The following TPST1 variants were observed in gnomAD, a reference collection of about 807,000 sequenced individuals.
The protein encoded by TPST1 is protein-tyrosine sulfotransferase 1.
Under a neutral mutation model 34.8 loss-of-function variants are expected in TPST1, and 20 were observed. The observed-to-expected ratio is 0.57, with a 90% confidence interval of 0.40 to 0.84. The LOEUF (loss-of-function observed/expected upper bound fraction) is 0.84, where lower values mean the gene tolerates loss of function less well. Among genes scored for constraint, TPST1 ranks in the 40% least tolerant of loss-of-function variants. The probability of loss-of-function intolerance (pLI) is 0.00; values close to 1 mark genes in which losing one functional copy is unlikely to be tolerated. For synonymous variants in TPST1, 152 were observed against 159.4 expected, an observed-to-expected ratio of 0.95 and a Z score of 0.35; for missense variants, 353 against 455.5, an observed-to-expected ratio of 0.78 and a Z score of 2.05.
chr7:66,335,647 C>T (rs971118221), intron 3 of TPST1, among the ~76,000 whole-genome samples: 10 of 151,914 alleles, frequency 6.6e-5, no homozygotes, highest in African/African-American at 1.4e-4. Flanking sequence ...GTGTTTTGAA[C>T]GGCAGGGCAA....
intron 4 of TPST1, among the ~76,000 whole-genome samples, chr7:66,353,197 C>T (rs1446048912): frequency 6.6e-6 from 1 of 152,164 alleles, no homozygotes; most frequent in Admixed American, 6.5e-5. Flanking sequence ...TGCCTGTAAT[C>T]CCAGCTACTT....
upstream of TPST1, among the ~76,000 whole-genome samples, chr7:66,203,629 G>A (rs1789061078): frequency 1.3e-5 from 2 of 151,936 alleles, no homozygotes. Context: ...GGGACTACAG[G>A]CGCCAGCCAC....
chr7:66,294,471 A>T (rs1265117166), intron 3 of TPST1, among the ~76,000 whole-genome samples: 1 of 152,176 alleles, frequency 6.6e-6, no homozygotes, highest in Non-Finnish European at 1.5e-5. Context: ...CCTTTCTCTT[A>T]GGTATTACTT....
intron 3 of TPST1, among the ~76,000 whole-genome samples, chr7:66,349,060 G>C (rs1401426617): frequency 6.6e-6 from 1 of 152,154 alleles, no homozygotes; most frequent in Non-Finnish European, 1.5e-5. Context: ...AAGCCAAAAA[G>C]AGGAAGAAAG....
At chr7:66,355,534 C>T (rs765349854) in intron 4 of TPST1, among the ~76,000 whole-genome samples, 26 of 151,562 alleles carry the variant, frequency 1.7e-4, no homozygotes, top group African/African-American at 5.3e-4. Flanking sequence ...AGATCATCAT[C>T]GTAAGGGAAT....
chr7:66,356,273 G>A (rs1032681960), intron 4 of TPST1, among the ~76,000 whole-genome samples: 5 of 152,198 alleles, frequency 3.3e-5, no homozygotes, highest in Non-Finnish European at 7.3e-5. Flanking sequence ...GTGGGCCCAG[G>A]AGGGTCCTGA....
At chr7:66,242,214 TG>T (rs763854492) in intron 2 of TPST1, among the ~76,000 whole-genome samples, 6 of 151,850 alleles carry the variant, frequency 4.0e-5, no homozygotes, top group African/African-American at 1.5e-4. Context: ...ATTTTATTTT[TG>T]TTTTTTTTCT....
At chr7:66,243,941 A>ATTTTTTTT (rs55829208) in intron 2 of TPST1, among the ~76,000 whole-genome samples, 2 of 116,232 alleles carry the variant, frequency 1.7e-5, no homozygotes, top group Non-Finnish European at 3.5e-5. Flanking sequence ...ATTCTGGGAA[A>ATTTTTTTT]TTTTTTTTTT....
chr7:66,266,042 G>T (rs923873379), intron 2 of TPST1, among the ~76,000 whole-genome samples: 2 of 152,128 alleles, frequency 1.3e-5, no homozygotes, highest in African/African-American at 4.8e-5. Flanking sequence ...ACTCAAATCT[G>T]CATGAAAGAA....
intron 1 of TPST1, among the ~76,000 whole-genome samples, chr7:66,213,091 T>A (rs1018243372): frequency 2.6e-5 from 4 of 152,162 alleles, no homozygotes; most frequent in Admixed American, 2.6e-4. Context: ...GAGCTGCAGA[T>A]TTGTCTTTTA....
At chr7:66,325,298 C>T (rs548625514) in intron 3 of TPST1, among the ~76,000 whole-genome samples, 3 of 152,046 alleles carry the variant, frequency 2.0e-5, no homozygotes, top group Non-Finnish European at 2.9e-5. Flanking sequence ...TCCCTTGACA[C>T]GTGGGGATTA....
In TPST1 at chr7:66,205,990, T is replaced by C. The variant is rs1439282650; in HGVS notation, c.-102+468T>C. 1 of 152,586 alleles carries C rather than the reference T, an allele frequency of 6.6e-6. No homozygotes were observed. The highest frequency in any genetic ancestry group is 2.4e-5 in the African/African-American group (1 of 41,432). The allele number at this position is 152,586 out of a possible 1,614,324, so 9.5% of individuals were successfully genotyped here. On this transcript the variant is annotated intron_variant, in intron 1 of 5. Transcript: ENST00000304842. The surrounding 1 kb of genome is among the most constrained non-coding windows in gnomAD (Gnocchi z 5.0). Reference sequence around the variant, plus strand: ...GTGTCCCTGGGTCTTGCCCTTTTGCTCCTAAGCACCTTCCTTTCCCAACTC... The same window carrying C: ...GTGTCCCTGGGTCTTGCCCTTTTGCCCCTAAGCACCTTCCTTTCCCAACTC...
rs1792662334 is a variant in TPST1 at position 66,360,165 on chromosome 7, T to C, written c.*300T>C. On this transcript the variant is annotated 3_prime_UTR_variant, in exon 6 of 6. Transcript: ENST00000304842. ...TGTTAAAACTCCTCTTGTTCTCTTT[T>C]CTTACATTATGACGTTTGTTTTCAA... 3.1e-6 allele frequency: 1 copy of C among 324,020 alleles called. No individual in the cohort carries two copies. Among genetic ancestry groups the C allele is most frequent in the Non-Finnish European group, 6.2e-6 (1 of 162,528 alleles). 20.1% of individuals were successfully genotyped at this position (324,020 alleles called of 1,614,324 possible).
At chr7:66,238,223 T>G (rs1196230414) in intron 1 of TPST1, among the ~76,000 whole-genome samples, 1 of 152,138 alleles carries the variant, frequency 6.6e-6, no homozygotes. Flanking sequence ...CCTTCAGACC[T>G]CCAATAAACT....
intron 3 of TPST1, among the ~76,000 whole-genome samples, chr7:66,331,731 G>C (rs1343875892): frequency 6.6e-6 from 1 of 151,858 alleles, no homozygotes; most frequent in East Asian, 1.9e-4. Context: ...TATAATTTCT[G>C]TTTCTTTCTT....
intron 2 of TPST1, among the ~76,000 whole-genome samples, chr7:66,276,452 C>T (rs1473562666): frequency 1.4e-5 from 2 of 146,934 alleles, no homozygotes; most frequent in Admixed American, 1.4e-4. Flanking sequence ...CGGCTCATTG[C>T]AACCTCTGCC....
intron 1 of TPST1, among the ~76,000 whole-genome samples, chr7:66,217,691 T>A (rs1369386843): frequency 6.6e-6 from 1 of 150,686 alleles, no homozygotes; most frequent in East Asian, 2.0e-4. Flanking sequence ...TTCAAGCAAT[T>A]CTCCTGTCTC....
At chr7:66,305,555 TAATCGG>T (rs1791405555) in intron 3 of TPST1, among the ~76,000 whole-genome samples, 1 of 152,244 alleles carries the variant, frequency 6.6e-6, no homozygotes, top group African/African-American at 2.4e-5. Flanking sequence ...TCTTCCTTGA[TAATCGG>T]GATCAATCAG....
Position 66,286,658 on chromosome 7 carries a change from C to A in TPST1, c.993C>A (p.Asn331Lys), listed in dbSNP as rs748322536. Reference sequence around the variant, plus strand: ...AGCTTGGATATGACCCATATGCCAACCCACCTAACTACGGAAAACCTGATC... The same window carrying A: ...AGCTTGGATATGACCCATATGCCAAACCACCTAACTACGGAAAACCTGATC... ...LAKLGYDPYA[N>K]PPNYGKPDPK... Residue 331 changes from asparagine (N) to lysine (K), a missense_variant, in exon 3 of 6, where the codon AAC becomes AAA. Transcript: ENST00000304842. 8 of 1,597,790 alleles carry A rather than the reference C, an allele frequency of 5.0e-6. No homozygotes were observed. Among genetic ancestry groups the A allele is most frequent in the Non-Finnish European group, 6.8e-6 (8 of 1,171,024 alleles).
Sources: gnomAD v4.1 joint callset for allele counts (sites outside exome capture counted in the v4.1 genomes callset) on GRCh38, gnomAD v4.1.1 for gene constraint, Gnocchi (gnomAD v3.1) non-coding constraint, MANE v1.5 for transcripts, NCBI Gene and HGNC (gene_info 2026-07-23, HGNC 2026-07-21) for gene names.